ALPK1: variants seen among roughly 807,000 people sequenced by gnomAD.
ALPK1 encodes alpha-protein kinase 1.
Under a neutral mutation model 120.6 loss-of-function variants are expected in ALPK1, and 110 were observed. That is an observed-to-expected ratio of 0.91 (90% CI 0.78 to 1.07). The LOEUF (loss-of-function observed/expected upper bound fraction) is 1.07. Among genes scored for constraint, ALPK1 ranks in the 50% least tolerant of loss-of-function variants. The pLI is 0.00. For synonymous variants in ALPK1, 582 were observed against 560.3 expected, an observed-to-expected ratio of 1.04 and a Z score of -0.55; for missense variants, 1,498 against 1,483.9, an observed-to-expected ratio of 1.01 and a Z score of -0.16.
At chr4:112,429,614 G>A (rs534163495) in intron 10 of ALPK1, among the ~76,000 whole-genome samples, 1 of 152,196 alleles carries the variant, frequency 6.6e-6, no homozygotes, top group African/African-American at 2.4e-5. Context: ...TAGGAGGATG[G>A]CTTGAGCCCA....
intron 2 of ALPK1, 74 bp from the exon 3 acceptor site, chr4:112,377,604 C>T: frequency 1.8e-6 from 1 of 566,642 alleles, no homozygotes; most frequent in Non-Finnish European, 3.0e-6. Flanking sequence ...GCCCTATTAT[C>T]CCTCCCTGCT....
At position 112,431,958 on chromosome 4, in the gene ALPK1, G is replaced by T. The variant is rs1391653591; in HGVS notation, c.2411G>T (p.Arg804Met). Reference protein sequence around the residue: ...STEDAPLDFHRVLHNSLGNIS... With the variant: ...STEDAPLDFHMVLHNSLGNIS... ...GAAGATGCACCCTTAGACTTTCACAGGGTCCTGCACAATTCTCTGGGAAAC... is the reference window on the plus strand; with the variant it reads ...GAAGATGCACCCTTAGACTTTCACATGGTCCTGCACAATTCTCTGGGAAAC... The change falls in exon 11 of 16, where the codon AGG becomes ATG. Residue 804 changes from arginine to methionine, a missense_variant. Transcript: ENST00000650871. 19 of 1,614,108 alleles carry T rather than the reference G, an allele frequency of 1.2e-5. No individual in the cohort carries two copies. Among genetic ancestry groups the T allele is most frequent in the Non-Finnish European group, 1.6e-5 (19 of 1,180,030 alleles).
chr4:112,304,071 A>G (rs1387784069), intron 1 of ALPK1, among the ~76,000 whole-genome samples: 1 of 152,164 alleles, frequency 6.6e-6, no homozygotes, highest in Non-Finnish European at 1.5e-5. Context: ...CCTATAAAGG[A>G]CATGAACTCA....
At chr4:112,397,617 T>C (rs1732708281) in intron 4 of ALPK1, among the ~76,000 whole-genome samples, 1 of 152,196 alleles carries the variant, frequency 6.6e-6, no homozygotes, top group Non-Finnish European at 1.5e-5. Flanking sequence ...ATTATATTGC[T>C]TTGATCACAG....
At chr4:112,378,799 G>T (rs564199602) in intron 3 of ALPK1, among the ~76,000 whole-genome samples, 1 of 152,138 alleles carries the variant, frequency 6.6e-6, no homozygotes, top group Non-Finnish European at 1.5e-5. Context: ...CTTTTCTCCT[G>T]AGTTCTTGTA....
chr4:112,336,364 G>A (rs72896918), intron 2 of ALPK1, among the ~76,000 whole-genome samples: 1,617 of 152,200 alleles, frequency 0.011, 36 homozygotes, highest in African/African-American at 0.037. Context: ...ATCCAGGGAA[G>A]ACAGACCTAC....
chr4:112,430,654 TGGGGAGACA>T lies in ALPK1; in HGVS notation c.1111_1119del (p.Glu371_Gly373del). 3 of 1,614,112 alleles carry T rather than the reference TGGGGAGACA, an allele frequency of 1.9e-6. No individual in the cohort carries two copies. The highest frequency in any genetic ancestry group is 2.5e-6 in the Non-Finnish European group (3 of 1,180,016). On this transcript the variant is annotated inframe_deletion, in exon 11 of 16. Coordinates refer to ENST00000650871, the MANE Select transcript of ALPK1 (RefSeq NM_025144.4). ...TCACCACAGTGCACAGAAGGCTCCATGGGGAGACAGGGACGGTCCATGCAGCAAGTCAGC... is the reference window on the plus strand; with the variant it reads ...TCACCACAGTGCACAGAAGGCTCCATGGGACGGTCCATGCAGCAAGTCAGC...
chr4:112,329,473 C>G (rs985415866), intron 2 of ALPK1, among the ~76,000 whole-genome samples: 62 of 152,148 alleles, frequency 4.1e-4, no homozygotes, highest in African/African-American at 1.5e-3. Flanking sequence ...TTCTTTATTT[C>G]AAAACAAAGA....
At chr4:112,423,752 A>G (rs776073674) in intron 5 of ALPK1, 192 bp from the exon 6 acceptor site, 4 of 702,160 alleles carry the variant, frequency 5.7e-6, no homozygotes, top group Non-Finnish European at 1.0e-5. Context: ...CACCTTACCA[A>G]CTTAGGAAAA....
At position 112,432,937 on chromosome 4, in the gene ALPK1, T is replaced by C. The variant is rs566017828; in HGVS notation, c.3034+356T>C. 2.0e-5 allele frequency among the ~76,000 whole-genome samples: 3 copies of C among 152,330 alleles called. No individual in the cohort carries two copies. In the East Asian group the frequency reaches 5.8e-4, roughly 29 times the overall value. On this transcript the variant is annotated intron_variant, in intron 11 of 15. Transcript: ENST00000650871. The stretch of plus-strand genomic sequence containing the variant: ...CAGCATCTATCTTCTTCATTGATTC[T>C]CATTACCAATCAGGTGATTTTAACA...
intron 4 of ALPK1, chr4:112,411,027 A>C (rs1337375542): frequency 6.5e-6 from 1 of 154,848 alleles, no homozygotes; most frequent in Non-Finnish European, 1.5e-5. Context: ...TACGTATGAG[A>C]GAGAAAGAGA....
Position 112,411,834 on chromosome 4 carries a change from T to G in ALPK1, c.284T>G (p.Leu95Arg). 4 of 1,611,526 alleles carry G rather than the reference T, an allele frequency of 2.5e-6. No homozygotes were observed. Among genetic ancestry groups the G allele is most frequent in the Non-Finnish European group, 3.4e-6 (4 of 1,178,916 alleles). The change falls in exon 5 of 16, where the codon CTG (leucine) becomes CGG (arginine). Residue 95 changes from leucine to arginine, a missense_variant. By Grantham distance (102) the Leu-to-Arg change is moderately radical. Transcript: ENST00000650871. The part of the protein sequence containing the change: ...GAGLQQLLAS[L>R]RASILARDCA... Reference sequence around the variant, plus strand: ...TCCACGCTGTTCCTCCAGGCGTCCCTGAGGGCCTCCATCCTCGCTCGGGAC... The same window carrying G: ...TCCACGCTGTTCCTCCAGGCGTCCCGGAGGGCCTCCATCCTCGCTCGGGAC...
At chr4:112,349,286 T>C (rs1730228372) in intron 2 of ALPK1, among the ~76,000 whole-genome samples, 1 of 152,172 alleles carries the variant, frequency 6.6e-6, no homozygotes, top group South Asian at 2.1e-4. Flanking sequence ...CCTGAAGACT[T>C]TGCATAGTCA....
At chr4:112,322,808 T>C (rs1728917938) in intron 2 of ALPK1, among the ~76,000 whole-genome samples, 1 of 152,230 alleles carries the variant, frequency 6.6e-6, no homozygotes, top group South Asian at 2.1e-4. Context: ...ATTTATGTCA[T>C]TTATTTCCCT....
intron 2 of ALPK1, among the ~76,000 whole-genome samples, chr4:112,363,477 T>C (rs1283220579): frequency 6.6e-6 from 1 of 152,090 alleles, no homozygotes; most frequent in Non-Finnish European, 1.5e-5. Context: ...TGGATAATGA[T>C]AAAAGGACTA....
rs139770996 is a variant in ALPK1 at position 112,332,882 on chromosome 4, G to C, written c.-101+17030G>C. Among the ~76,000 whole-genome samples, 1,117 of 152,176 alleles carry C rather than the reference G, an allele frequency of 7.3e-3. 21 individuals carry two copies. The highest frequency in any genetic ancestry group is 0.025 in the African/African-American group (1,055 of 41,494). On this transcript the variant is annotated intron_variant, in intron 2 of 15. Coordinates refer to ENST00000650871, the MANE Select transcript of ALPK1 (RefSeq NM_025144.4). ...TTCTAACTATTTTAGTTTCTTCATT[G>C]TACATTTACCCTCGTGAATTACTGC...
chr4:112,367,545 G>A (rs76787485), intron 2 of ALPK1, among the ~76,000 whole-genome samples: 2,094 of 151,976 alleles, frequency 0.014, 26 homozygotes, highest in Admixed American at 0.022. Flanking sequence ...TAAAATATAG[G>A]GGCAAATGTG....
chr4:112,435,401 G>A (rs1408331913), intron 12 of ALPK1, 100 bp downstream of exon 12: 2 of 1,094,870 alleles, frequency 1.8e-6, no homozygotes, highest in African/African-American at 3.2e-5. Context: ...TGAAAAACTT[G>A]GCCAAAATAT....
chr4:112,304,559 A>T (rs1321949493), intron 1 of ALPK1, among the ~76,000 whole-genome samples: 1 of 151,960 alleles, frequency 6.6e-6, no homozygotes, highest in Non-Finnish European at 1.5e-5. Flanking sequence ...TTTTGAGAAG[A>T]GTCTGTTCAT....
Sources: gnomAD v4.1 joint callset for allele counts (sites outside exome capture counted in the v4.1 genomes callset) on GRCh38, gnomAD v4.1.1 for gene constraint, MANE v1.5 for transcripts, NCBI Gene and HGNC (gene_info 2026-07-23, HGNC 2026-07-21) for gene names.